Variants in PALS1 observed in about 807,000 individuals in gnomAD.
PALS1 encodes protein associated with LIN7 1, MAGUK p55 family member.
Under a neutral mutation model 78.9 loss-of-function variants are expected in PALS1, and 31 were observed. That is an observed-to-expected ratio of 0.39 (90% CI 0.30 to 0.53). The LOEUF (loss-of-function observed/expected upper bound fraction) is 0.53. Among genes scored for constraint, PALS1 ranks in the 20% least tolerant of loss-of-function variants. PALS1 has a pLI of 0.67. For missense variants in PALS1, 704 were observed against 826.5 expected, an observed-to-expected ratio of 0.85 and a Z score of 1.82; for synonymous variants, 276 against 270.9, an observed-to-expected ratio of 1.02 and a Z score of -0.18.
chr14:67,266,941 C>A (rs2084337159), intron 1 of PALS1, among the ~76,000 whole-genome samples: 2 of 151,838 alleles, frequency 1.3e-5, no homozygotes, highest in Non-Finnish European at 2.9e-5. Context: ...GAAACCCTAT[C>A]TCTACTAAAA....
intron 1 of PALS1, among the ~76,000 whole-genome samples, chr14:67,266,413 C>G (rs1373848637): frequency 6.6e-6 from 1 of 152,124 alleles, no homozygotes; most frequent in Non-Finnish European, 1.5e-5. Flanking sequence ...GCAGCCTCTG[C>G]CTCCTGGGTT....
intron 3 of PALS1, among the ~76,000 whole-genome samples, chr14:67,290,521 G>A (rs952593735): frequency 1.3e-5 from 2 of 152,128 alleles, no homozygotes; most frequent in African/African-American, 4.8e-5. Flanking sequence ...TGGGACTAAG[G>A]CACATGCCAC....
At chr14:67,320,918 A>C (rs1168402926) in intron 12 of PALS1, 139 bp from the exon 13 acceptor site, 9 of 693,212 alleles carry the variant, frequency 1.3e-5, no homozygotes, top group Non-Finnish European at 2.2e-5. Context: ...AATGTTAAAC[A>C]TGTAGGCACT....
rs143148302 is a variant in PALS1 at position 67,322,488 on chromosome 14, T to C, written c.1741-1214T>C. ...TTAATGTGGTAGAATCTGCTGCTCA[T>C]GTCAAATTAGGCAACATAGTCAGTG... On this transcript the variant is annotated intron_variant, in intron 13 of 14. Coordinates refer to ENST00000261681, the MANE Select transcript of PALS1 (RefSeq NM_022474.4). Among the ~76,000 whole-genome samples, 321 of 152,322 alleles carry C rather than the reference T, an allele frequency of 2.1e-3. 1 individual carries two copies. The highest frequency in any genetic ancestry group is 3.7e-3 in the Non-Finnish European group (250 of 68,022).
At position 67,332,941 on chromosome 14, in the gene PALS1, C is replaced by T. The variant is rs755712018; in HGVS notation, c.2013C>T (p.Ser671=). The change falls in exon 15 of 15, where the codon TCC becomes TCT. Residue 671 remains serine, a synonymous_variant. Coordinates refer to ENST00000261681, the MANE Select transcript of PALS1 (RefSeq NM_022474.4). ...ATACTGAACCTCAGTGGGTACCATCCACTTGGCTGAGGTGAAAGAAACATC... is the reference window on the plus strand; with the variant it reads ...ATACTGAACCTCAGTGGGTACCATCTACTTGGCTGAGGTGAAAGAAACATC... ...KLDTEPQWVP[S]TWLR 1.0e-5 allele frequency: 16 copies of T among 1,606,522 alleles called. No homozygotes were observed. In the East Asian group the frequency reaches 1.3e-4, roughly 13 times the overall value.
chr14:67,275,407 T>C (rs1254891114), intron 2 of PALS1, among the ~76,000 whole-genome samples: 1 of 152,240 alleles, frequency 6.6e-6, no homozygotes, highest in Non-Finnish European at 1.5e-5. Flanking sequence ...GTTTTGTTTA[T>C]ATGCTGGATT....
Position 67,321,064 on chromosome 14 carries a change from C to A in PALS1, c.1545C>A (p.Thr515=), listed in dbSNP as rs748109354. 2 of 1,613,858 alleles carry A rather than the reference C, an allele frequency of 1.2e-6. No individual in the cohort carries two copies. The highest frequency in any genetic ancestry group is 2.2e-5 in the East Asian group (1 of 44,890). ...CTGATTTTGTTTGCCTAGATACAACCCGGAGTAGGCGAGACCAAGAAGTAG... is the reference window on the plus strand; with the variant it reads ...CTGATTTTGTTTGCCTAGATACAACACGGAGTAGGCGAGACCAAGAAGTAG... ...DRFASAVPHT[T]RSRRDQEVAG... Residue 515 remains threonine, a synonymous_variant, in exon 13 of 15, where the codon ACC becomes ACA. Transcript: ENST00000261681.
At chr14:67,260,027 T>G (rs2084211473) in intron 1 of PALS1, among the ~76,000 whole-genome samples, 1 of 152,202 alleles carries the variant, frequency 6.6e-6, no homozygotes, top group African/African-American at 2.4e-5. Flanking sequence ...GGAGAGAGAT[T>G]TAAACAGAAA....
intron 14 of PALS1, among the ~76,000 whole-genome samples, chr14:67,327,519 T>C (rs2085377020): frequency 6.6e-6 from 1 of 152,116 alleles, no homozygotes. Context: ...CTTTAAGTTC[T>C]AGGGTACATG....
intron 3 of PALS1, among the ~76,000 whole-genome samples, chr14:67,285,941 C>A (rs150246301): frequency 2.0e-3 from 307 of 152,208 alleles, no homozygotes; most frequent in African/African-American, 6.9e-3. Context: ...AGTGAATTTT[C>A]TTACTTTAGA....
At chr14:67,292,376 A>C (rs1178997115) in intron 3 of PALS1, 135 bp from the exon 4 acceptor site, 1 of 597,088 alleles carries the variant, frequency 1.7e-6, no homozygotes, top group Non-Finnish European at 3.0e-6. Flanking sequence ...ACCATGATTG[A>C]CAATAATATA....
intron 1 of PALS1, among the ~76,000 whole-genome samples, chr14:67,263,906 A>T (rs2084274929): frequency 6.6e-6 from 1 of 152,082 alleles, no homozygotes; most frequent in Non-Finnish European, 1.5e-5. Context: ...CTATTTTTTT[A>T]GAGGTGGGGT....
intron 1 of PALS1, among the ~76,000 whole-genome samples, chr14:67,268,089 C>T (rs1167399595): frequency 6.6e-6 from 1 of 152,028 alleles, no homozygotes; most frequent in Non-Finnish European, 1.5e-5. Flanking sequence ...TTATTTCTTT[C>T]TCTTGTGTGG....
chr14:67,279,085 C>A lies in PALS1; in HGVS notation c.-86C>A, dbSNP rs1405305209. The stretch of plus-strand genomic sequence containing the variant: ...TGAGAAGTTTTTTTTTTTGAAGTAA[C>A]ATGGATTTTATACTACAGAATCAAG... On this transcript the variant is annotated 5_prime_UTR_variant, in exon 3 of 15. Coordinates refer to ENST00000261681, the MANE Select transcript of PALS1 (RefSeq NM_022474.4). 1.2e-4 allele frequency: 133 copies of A among 1,143,682 alleles called. No individual in the cohort carries two copies. Among genetic ancestry groups the A allele is most frequent in the Middle Eastern group, 2.2e-4 (1 of 4,534 alleles). 70.8% of individuals were successfully genotyped at this position (1,143,682 alleles called of 1,614,324 possible).
chr14:67,325,652 A>C (rs569996132), intron 14 of PALS1, among the ~76,000 whole-genome samples: 10 of 152,302 alleles, frequency 6.6e-5, no homozygotes, highest in Non-Finnish European at 1.3e-4. Flanking sequence ...AAGGATGCGC[A>C]CTAAGGACCA....
chr14:67,269,325 T>G (rs958650480), intron 1 of PALS1, among the ~76,000 whole-genome samples: 4 of 151,862 alleles, frequency 2.6e-5, no homozygotes, highest in African/African-American at 9.7e-5. Context: ...ATGAATATTT[T>G]TGTACAAGTT....
chr14:67,328,263 G>T (rs1403687671), intron 14 of PALS1, among the ~76,000 whole-genome samples: 3 of 152,152 alleles, frequency 2.0e-5, no homozygotes, highest in African/African-American at 7.2e-5. Flanking sequence ...TGTGTCTGTT[G>T]GCTGCATGAA....
chr14:67,250,206 C>T (rs898752659), intron 1 of PALS1, among the ~76,000 whole-genome samples: 1 of 152,172 alleles, frequency 6.6e-6, no homozygotes, highest in Non-Finnish European at 1.5e-5. Flanking sequence ...TTCCTTCCTC[C>T]AGGAACGTTC....
In PALS1 at chr14:67,322,331, G is replaced by C. The variant is rs915320223; in HGVS notation, c.1740+1072G>C. Among the ~76,000 whole-genome samples the C allele has an allele frequency of 2.0e-5, 3 of 152,146 alleles. No homozygotes were observed. The East Asian group carries it at 5.8e-4, about 29-fold the overall frequency. On this transcript the variant is annotated intron_variant, in intron 13 of 14. Transcript: ENST00000261681. ...TCCAACCTGGGTGACAGAGTGAGCA[G>C]AGTGAGACTCTGTCTGAAAAACAAA...
Sources: gnomAD v4.1 joint callset for allele counts (sites outside exome capture counted in the v4.1 genomes callset) on GRCh38, gnomAD v4.1.1 for gene constraint, MANE v1.5 for transcripts, NCBI Gene and HGNC (gene_info 2026-07-23, HGNC 2026-07-21) for gene names.